The following GLIS3 variants were observed in gnomAD, a reference collection of about 807,000 sequenced individuals.
The protein encoded by GLIS3 is GLIS family zinc finger 3.
Under a neutral mutation model 78.6 loss-of-function variants are expected in GLIS3, and 53 were observed. That is an observed-to-expected ratio of 0.67 (90% CI 0.54 to 0.85). GLIS3 has a LOEUF of 0.85. Among genes scored for constraint, GLIS3 ranks in the 40% least tolerant of loss-of-function variants. GLIS3 has a pLI of 0.00. For missense variants in GLIS3, 1,703 were observed against 1,231.1 expected (o/e 1.38, Z -5.74); for synonymous variants, 684 against 509.9 (o/e 1.34, Z -4.60).
At chr9:4,477,778 T>G in the GLIS3 span, among the ~76,000 whole-genome samples, 3 of 152,128 alleles carry the variant, frequency 2.0e-5, no homozygotes, top group Non-Finnish European at 4.4e-5. Context: ...TGGAGATGGA[T>G]AGTGGTGACG....
At chr9:4,193,062 C>G (rs1329982190) in intron 2 of GLIS3, among the ~76,000 whole-genome samples, 1 of 152,110 alleles carries the variant, frequency 6.6e-6, no homozygotes, top group East Asian at 1.9e-4. Context: ...TCTTGTAGTC[C>G]CTGTTGGCAA....
At chr9:3,916,894 G>A (rs143857072) in intron 6 of GLIS3, among the ~76,000 whole-genome samples, 327 of 152,246 alleles carry the variant, frequency 2.1e-3, no homozygotes, top group South Asian at 4.2e-3. Flanking sequence ...CCTTTTATTA[G>A]TATATTCAAG....
rs137987772 is a variant in GLIS3, at chr9:4,025,235, G to C, written c.1711-88046C>G. Among the ~76,000 whole-genome samples the C allele has an allele frequency of 3.7e-3, 562 of 151,480 alleles. 4 individuals are homozygous for C. The highest frequency in any genetic ancestry group is 0.013 in the African/African-American group (533 of 41,370). On this transcript the variant is annotated intron_variant, in intron 4 of 10. Coordinates refer to ENST00000381971, the MANE Select transcript of GLIS3 (RefSeq NM_001042413.2). ...GCACTGCACTCCAACCTAGGCAACA[G>C]TGAGACTCCGTCTCAAAAAAAAAAG...
intron 4 of GLIS3, among the ~76,000 whole-genome samples, chr9:3,940,558 G>A (rs757494853): frequency 2.0e-5 from 3 of 152,154 alleles, no homozygotes; most frequent in South Asian, 2.1e-4. Flanking sequence ...ATGAGCCCAG[G>A]ACTCAGTGAC....
intron 2 of GLIS3, among the ~76,000 whole-genome samples, chr9:4,314,640 G>A (rs1293943806): frequency 2.0e-5 from 3 of 152,206 alleles, no homozygotes; most frequent in African/African-American, 7.2e-5. Context: ...GTTCCAAGAT[G>A]CTTCCACTAG....
At chr9:3,919,971 T>C (rs1258724065) in intron 6 of GLIS3, among the ~76,000 whole-genome samples, 3 of 150,390 alleles carry the variant, frequency 2.0e-5, no homozygotes, top group African/African-American at 7.3e-5. Context: ...AGAATAAAAA[T>C]AGCTAATGGC....
the GLIS3 span, among the ~76,000 whole-genome samples, chr9:4,392,736 A>C: frequency 6.6e-6 from 1 of 152,198 alleles, no homozygotes; most frequent in African/African-American, 2.4e-5. Flanking sequence ...TGAATTAATT[A>C]TTTGCTTCTG....
At chr9:4,128,952 A>C (rs1832766563) in intron 2 of GLIS3, among the ~76,000 whole-genome samples, 1 of 152,226 alleles carries the variant, frequency 6.6e-6, no homozygotes, top group African/African-American at 2.4e-5. Flanking sequence ...ACCCCATCTA[A>C]GCACAAATGG....
intron 4 of GLIS3, among the ~76,000 whole-genome samples, chr9:3,960,491 C>T (rs1817475552): frequency 6.6e-6 from 1 of 152,164 alleles, no homozygotes; most frequent in Non-Finnish European, 1.5e-5. Flanking sequence ...CTTACTATAC[C>T]TATCCATTAG....
chr9:4,290,398 A>AT (rs1828350052), intron 1 of GLIS3, among the ~76,000 whole-genome samples: 1 of 151,736 alleles, frequency 6.6e-6, no homozygotes. Context: ...GATCCTTTTT[A>AT]TTTTTTCCCT....
intron 1 of GLIS3, among the ~76,000 whole-genome samples, chr9:4,292,375 G>C (rs1032110020): frequency 6.6e-6 from 1 of 151,860 alleles, no homozygotes; most frequent in East Asian, 1.9e-4. Context: ...ACATCTTCTG[G>C]GTAAGACAAA....
chr9:4,358,014 G>C, the GLIS3 span, among the ~76,000 whole-genome samples: 1 of 152,148 alleles, frequency 6.6e-6, no homozygotes, highest in Non-Finnish European at 1.5e-5. Flanking sequence ...TAAAAAATAA[G>C]ATAGGTCTGT....
the GLIS3 span, among the ~76,000 whole-genome samples, chr9:4,409,733 C>T: frequency 6.6e-6 from 1 of 151,892 alleles, no homozygotes; most frequent in Non-Finnish European, 1.5e-5. Context: ...AATGATAAAT[C>T]ACAAACTATC....
chr9:4,208,460 A>G (rs537356518), intron 2 of GLIS3, among the ~76,000 whole-genome samples: 1 of 152,334 alleles, frequency 6.6e-6, no homozygotes, highest in African/African-American at 2.4e-5. Flanking sequence ...AAGAATATAA[A>G]GTCATGCTAA....
At chr9:4,263,733 T>C (rs1825737954) in intron 2 of GLIS3, among the ~76,000 whole-genome samples, 1 of 152,214 alleles carries the variant, frequency 6.6e-6, no homozygotes, top group South Asian at 2.1e-4. Flanking sequence ...TGGCTTCATC[T>C]TATCTGACGT....
intron 4 of GLIS3, among the ~76,000 whole-genome samples, chr9:4,307,986 C>T (rs1043301087): frequency 4.6e-5 from 7 of 152,178 alleles, no homozygotes; most frequent in Non-Finnish European, 2.9e-5. Flanking sequence ...AAAAGTAATG[C>T]ACTTTCTCAA....
At chr9:4,400,593 G>A in the GLIS3 span, among the ~76,000 whole-genome samples, 1 of 152,172 alleles carries the variant, frequency 6.6e-6, no homozygotes, top group Admixed American at 6.5e-5. Flanking sequence ...TTCCTCTTCG[G>A]TCTTGATCTT....
rs139691183 is a variant in GLIS3, at chr9:4,028,088, T to C, written c.1710+89680A>G. On this transcript the variant is annotated intron_variant, in intron 4 of 10. Transcript: ENST00000381971. ...GTAACTCATTCATCCTTTAAATAAA[T>C]AGTAATTGAACATCAACCAGGTCAC... is the stretch of plus-strand genomic sequence containing the variant. 7.7e-3 allele frequency among the ~76,000 whole-genome samples: 1,166 copies of C among 152,250 alleles called. 22 individuals carry two copies. The highest frequency in any genetic ancestry group is 0.027 in the African/African-American group (1,112 of 41,534).
chr9:4,276,313 G>C (rs1185999804), intron 2 of GLIS3, among the ~76,000 whole-genome samples: 2 of 128,842 alleles, frequency 1.6e-5, no homozygotes, highest in South Asian at 5.8e-4. Flanking sequence ...AGAAGAAAAT[G>C]GAGGGGAGGG....
Sources: allele counts gnomAD v4.1 joint callset (sites outside exome capture counted in the v4.1 genomes callset), GRCh38; gene constraint gnomAD v4.1.1; transcripts MANE v1.5; gene names NCBI Gene and HGNC (gene_info 2026-07-23, HGNC 2026-07-21).